The following FBRSL1 variants were observed in gnomAD, a reference collection of about 807,000 sequenced individuals.
FBRSL1 encodes fibrosin-1-like protein.
Under a neutral mutation model 89.6 loss-of-function variants are expected in FBRSL1, and 51 were observed. The ratio of observed to expected loss-of-function variants is 0.57; its 90% CI spans 0.45 to 0.72. The LOEUF is 0.72. Ranked by LOEUF, FBRSL1 falls within the 30% of genes least tolerant of loss-of-function variation. The pLI is 0.00. For synonymous variants in FBRSL1, 779 were observed against 681.1 expected (o/e 1.14, Z -2.24); for missense variants, 1,618 against 1,451.8 (o/e 1.11, Z -1.86).
At position 132,567,469 on chromosome 12, in the gene FBRSL1, C is replaced by G. The variant is rs2039708244; in HGVS notation, c.646-12C>G. The G allele has an allele frequency of 6.4e-7, 1 of 1,550,880 alleles. No homozygotes were observed. Among genetic ancestry groups the G allele is most frequent in the South Asian group, 1.2e-5 (1 of 84,040 alleles). The stretch of plus-strand genomic sequence containing the variant: ...ACCCTGACTGCCCCTGACCCCCCTT[C>G]TCTCTCTCCAGGCATCCGTGGGCTC... On this transcript the variant is annotated splice_polypyrimidine_tract_variant and intron_variant, in intron 5 of 18. Coordinates refer to ENST00000680143, the MANE Select transcript of FBRSL1 (RefSeq NM_001367871.1).
intron 1 of FBRSL1, among the ~76,000 whole-genome samples, chr12:132,491,983 A>G (rs991877352): frequency 1.1e-4 from 16 of 152,298 alleles, no homozygotes; most frequent in Middle Eastern, 3.4e-3. Context: ...TGTCCTGCAC[A>G]TTATTAGATG....
intron 4 of FBRSL1, among the ~76,000 whole-genome samples, chr12:132,531,523 G>A (rs1029635600): frequency 2.6e-5 from 4 of 151,900 alleles, no homozygotes; most frequent in Non-Finnish European, 5.9e-5. Flanking sequence ...ACAGTGTCAC[G>A]GGTTCCTCTC....
At chr12:132,497,470 C>G (rs1271904091) in intron 1 of FBRSL1, among the ~76,000 whole-genome samples, 1 of 152,126 alleles carries the variant, frequency 6.6e-6, no homozygotes, top group Non-Finnish European at 1.5e-5. Flanking sequence ...ACCTGAGTCT[C>G]CAGGAGTCCC....
intron 5 of FBRSL1, chr12:132,566,285 A>G (rs1471662404): frequency 6.6e-6 from 1 of 151,938 alleles, no homozygotes; most frequent in Non-Finnish European, 1.5e-5. Context: ...CTCCACACTC[A>G]AGACCTCATG....
chr12:132,567,584 C>T lies in FBRSL1; in HGVS notation c.691+58C>T, dbSNP rs367940225. On this transcript the variant is annotated intron_variant, in intron 6 of 18. Coordinates refer to ENST00000680143, the MANE Select transcript of FBRSL1 (RefSeq NM_001367871.1). ...CTCTGAAGAGACACAATGCGCCCTG[C>T]GTCTTGGCGGCAGGACATCCCCCTG... The T allele has an allele frequency of 1.4e-5, 21 of 1,502,888 alleles. No homozygotes were observed. The East Asian group carries it at 1.5e-4, about 11-fold the overall frequency. The allele number at this position is 1,502,888 out of a possible 1,614,324, so 93.1% of individuals were successfully genotyped here. A position where few individuals can be genotyped will look rare whatever the true frequency, so the allele number is the denominator to read the frequency against.
rs1276450845 is a variant in FBRSL1, at chr12:132,546,677, C to T, written c.616-1326C>T. On this transcript the variant is annotated intron_variant, in intron 4 of 18. Coordinates refer to ENST00000680143, the MANE Select transcript of FBRSL1 (RefSeq NM_001367871.1). This position sits in a 1 kb window ranked among gnomAD's most constrained non-coding sequence, Gnocchi z 4.0. ...GGGACCAGCACACAGCCGGGACAGACAGCCTGGGGGAGCCTGTCAGCCTCA... is the reference window on the plus strand; with the variant it reads ...GGGACCAGCACACAGCCGGGACAGATAGCCTGGGGGAGCCTGTCAGCCTCA... 2.6e-5 allele frequency among the ~76,000 whole-genome samples: 4 copies of T among 152,180 alleles called. No individual in the cohort carries two copies. Among genetic ancestry groups the T allele is most frequent in the African/African-American group, 9.7e-5 (4 of 41,450 alleles).
intron 3 of FBRSL1, among the ~76,000 whole-genome samples, chr12:132,526,095 T>C (rs1433070011): frequency 1.3e-5 from 2 of 152,372 alleles, no homozygotes; most frequent in South Asian, 2.1e-4. Context: ...ATTAGGACTT[T>C]CCCATTAGGA....
At chr12:132,497,561 C>T (rs1035673684) in intron 1 of FBRSL1, among the ~76,000 whole-genome samples, 9 of 152,166 alleles carry the variant, frequency 5.9e-5, no homozygotes, top group African/African-American at 2.2e-4. Context: ...CACCAGGACC[C>T]CCTCTGGCCT....
chr12:132,563,406 TCCCCACAGCCTGCACCCCACACCTGGC>T (rs1353982182), intron 5 of FBRSL1, among the ~76,000 whole-genome samples: 31 of 32,068 alleles, frequency 9.7e-4, no homozygotes, highest in African/African-American at 3.4e-3. Context: ...CCACATCTGG[TCCCCACAGCCTGCACCCCACACCTGGC>T]CCCCACAGCC....
intron 2 of FBRSL1, among the ~76,000 whole-genome samples, chr12:132,524,562 C>G (rs1276608659): frequency 6.6e-6 from 1 of 152,210 alleles, no homozygotes; most frequent in Non-Finnish European, 1.5e-5. Flanking sequence ...AGTCCTGGGA[C>G]GGGTTTCCCC....
chr12:132,510,667 C>T (rs1593285693), intron 2 of FBRSL1: 3 of 1,229,286 alleles, frequency 2.4e-6, no homozygotes, highest in Non-Finnish European at 3.0e-6. Context: ...GGCTGAGGCT[C>T]ACCACACCAG....
chr12:132,577,949 A>G (rs974795806), intron 15 of FBRSL1, among the ~76,000 whole-genome samples: 1 of 152,252 alleles, frequency 6.6e-6, no homozygotes, highest in Non-Finnish European at 1.5e-5. Flanking sequence ...GCGTGTACGC[A>G]CACGTGAAGC....
At chr12:132,550,028 G>A (rs1593447416) in intron 5 of FBRSL1, among the ~76,000 whole-genome samples, 2 of 152,050 alleles carry the variant, frequency 1.3e-5, no homozygotes, top group African/African-American at 2.4e-5. Flanking sequence ...CTCTGCACAC[G>A]GAGGGTCCCG....
intron 5 of FBRSL1, chr12:132,551,640 A>G (rs1423174383): frequency 4.4e-6 from 2 of 453,036 alleles, no homozygotes; most frequent in Non-Finnish European, 8.9e-6. Flanking sequence ...CAAGGTGGAG[A>G]CTTTGGGACA....
intron 2 of FBRSL1, among the ~76,000 whole-genome samples, chr12:132,521,136 A>C (rs752767381): frequency 1.3e-5 from 2 of 152,244 alleles, no homozygotes; most frequent in Admixed American, 6.5e-5. Context: ...GGGGAGGCCC[A>C]GGAGTCCTGA....
chr12:132,582,899 G>A (rs2040877507), intron 18 of FBRSL1, 72 bp from the exon 19 acceptor site: 2 of 1,229,388 alleles, frequency 1.6e-6, no homozygotes, highest in South Asian at 2.1e-5. Context: ...CAAGCAACGG[G>A]AACATCCCGG....
chr12:132,521,474 G>T (rs1181629628), intron 2 of FBRSL1, among the ~76,000 whole-genome samples: 1 of 152,196 alleles, frequency 6.6e-6, no homozygotes, highest in Non-Finnish European at 1.5e-5. Flanking sequence ...GGAAGCCGTA[G>T]GCCCCTTCTC....
intron 1 of FBRSL1, among the ~76,000 whole-genome samples, chr12:132,504,480 TGGGGGTGCTGGCGCCACTGCA>T (rs1232049201): frequency 6.6e-6 from 1 of 152,116 alleles, no homozygotes; most frequent in Non-Finnish European, 1.5e-5. Context: ...TAGCCACTAC[TGGGGGTGCTGGCGCCACTGCA>T]GGGCAGTGGC....
At chr12:132,561,717 C>G (rs1566205638) in intron 5 of FBRSL1, among the ~76,000 whole-genome samples, 1 of 152,174 alleles carries the variant, frequency 6.6e-6, no homozygotes, top group African/African-American at 2.4e-5. Context: ...GGACGCCAGC[C>G]AAGAAGAGGG....
Sources: gnomAD v4.1 joint callset for allele counts (sites outside exome capture counted in the v4.1 genomes callset) on GRCh38, gnomAD v4.1.1 for gene constraint, Gnocchi (gnomAD v3.1) non-coding constraint, MANE v1.5 for transcripts, NCBI Gene and HGNC (gene_info 2026-07-23, HGNC 2026-07-21) for gene names.